The following RPS6KC1 variants were observed in gnomAD, a reference collection of about 807,000 sequenced individuals.
The protein encoded by RPS6KC1 is inactive ribosomal protein S6 kinase delta-1.
In RPS6KC1, 54 loss-of-function variants were observed where a neutral mutation model predicts 103.8. That is an observed-to-expected ratio of 0.52 (90% confidence interval 0.42 to 0.65). The LOEUF is 0.65. Among genes scored for constraint, RPS6KC1 ranks in the 30% least tolerant of loss-of-function variants. The probability of loss-of-function intolerance (pLI) is 0.00; values close to 1 mark genes in which losing one functional copy is unlikely to be tolerated. For synonymous variants in RPS6KC1, 439 were observed against 438.7 expected, an observed-to-expected ratio of 1.00 and a Z score of -0.01; for missense variants, 1,151 against 1,253.8, an observed-to-expected ratio of 0.92 and a Z score of 1.24.
At chr1:213,707,607 A>G in the RPS6KC1 span, among the ~76,000 whole-genome samples, 1 of 152,176 alleles carries the variant, frequency 6.6e-6, no homozygotes, top group Non-Finnish European at 1.5e-5. Flanking sequence ...TTAGTCATGA[A>G]GTCTTTGCCC....
chr1:213,168,805 G>A (rs1407460618), intron 7 of RPS6KC1, among the ~76,000 whole-genome samples: 2 of 151,956 alleles, frequency 1.3e-5, no homozygotes, highest in Admixed American at 6.6e-5. Context: ...TGTATTTTTA[G>A]TAGAGACAGG....
At chr1:213,238,954 G>A (rs771257644) in intron 10 of RPS6KC1, among the ~76,000 whole-genome samples, 9 of 152,162 alleles carry the variant, frequency 5.9e-5, no homozygotes, top group Non-Finnish European at 1.5e-5. Flanking sequence ...TTGTTAGAGT[G>A]CCACAATATA....
chr1:213,165,123 A>G (rs1479008611), intron 6 of RPS6KC1, among the ~76,000 whole-genome samples: 1 of 152,132 alleles, frequency 6.6e-6, no homozygotes, highest in Non-Finnish European at 1.5e-5. Flanking sequence ...CTGAATAAGC[A>G]TTCAGGAGCA....
the RPS6KC1 span, among the ~76,000 whole-genome samples, chr1:213,439,102 G>C: frequency 2.0e-5 from 3 of 152,022 alleles, no homozygotes; most frequent in African/African-American, 7.2e-5. Context: ...CCAGAATCTT[G>C]GTTTCTTAAG....
chr1:213,242,780 C>A, intron 12 of RPS6KC1, 122 bp downstream of exon 12: 1 of 754,614 alleles, frequency 1.3e-6, no homozygotes, highest in Non-Finnish European at 2.1e-6. Flanking sequence ...ATTTGGTTAT[C>A]TGTTTAACCC....
chr1:213,358,037 A>G, the RPS6KC1 span, among the ~76,000 whole-genome samples: 4 of 152,188 alleles, frequency 2.6e-5, no homozygotes, highest in East Asian at 7.7e-4. Context: ...TCGGTTTGCC[A>G]GTATTTTATT....
At chr1:213,847,543 G>A in the RPS6KC1 span, among the ~76,000 whole-genome samples, 1 of 152,180 alleles carries the variant, frequency 6.6e-6, no homozygotes, top group African/African-American at 2.4e-5. Context: ...AAACTGAAAT[G>A]GAGATGATAA....
chr1:213,628,213 G>T, the RPS6KC1 span, among the ~76,000 whole-genome samples: 7 of 152,186 alleles, frequency 4.6e-5, no homozygotes, highest in African/African-American at 7.2e-5. Flanking sequence ...TTGCGTAGAG[G>T]TGTTTATAGT....
chr1:213,303,104 C>T, the RPS6KC1 span, among the ~76,000 whole-genome samples: 5 of 152,128 alleles, frequency 3.3e-5, no homozygotes, highest in South Asian at 2.1e-4. Flanking sequence ...TTGTGAGTGC[C>T]GTGGCAGCGT....
chr1:213,670,900 A>C, the RPS6KC1 span, among the ~76,000 whole-genome samples: 1 of 152,168 alleles, frequency 6.6e-6, no homozygotes, highest in Non-Finnish European at 1.5e-5. Flanking sequence ...AGGTTTCCTC[A>C]ACAGTCTTGT....
chr1:213,153,741 G>A (rs2089537918), intron 6 of RPS6KC1, among the ~76,000 whole-genome samples: 1 of 152,064 alleles, frequency 6.6e-6, no homozygotes, highest in South Asian at 2.1e-4. Context: ...ACTCCCTTTA[G>A]CACTTCTTGT....
chr1:213,765,560 C>G, the RPS6KC1 span, among the ~76,000 whole-genome samples: 1 of 152,220 alleles, frequency 6.6e-6, no homozygotes, highest in Non-Finnish European at 1.5e-5. Flanking sequence ...GACTGCATCT[C>G]TGGCCCCCAG....
chr1:213,195,291 AT>A (rs1409066300), intron 8 of RPS6KC1, among the ~76,000 whole-genome samples: 1 of 152,156 alleles, frequency 6.6e-6, no homozygotes, highest in South Asian at 2.1e-4. Flanking sequence ...ACCAGTGTCA[AT>A]TTTCTGCCTA....
At chr1:213,698,629 G>A in the RPS6KC1 span, among the ~76,000 whole-genome samples, 1 of 151,866 alleles carries the variant, frequency 6.6e-6, no homozygotes, top group Non-Finnish European at 1.5e-5. Flanking sequence ...GATTTCTCTG[G>A]CAACCATTTG....
chr1:213,488,501 G>A, the RPS6KC1 span, among the ~76,000 whole-genome samples: 101 of 152,258 alleles, frequency 6.6e-4, no homozygotes, highest in African/African-American at 2.2e-3. Context: ...CTGTCATAGC[G>A]TCTGTTTCTT....
At chr1:213,815,327 A>C in the RPS6KC1 span, among the ~76,000 whole-genome samples, 1 of 152,198 alleles carries the variant, frequency 6.6e-6, no homozygotes. Context: ...ACAAGCCACT[A>C]CCTGTTGAGC....
the RPS6KC1 span, among the ~76,000 whole-genome samples, chr1:213,312,865 GT>G: frequency 6.6e-6 from 1 of 152,190 alleles, no homozygotes; most frequent in Non-Finnish European, 1.5e-5. Context: ...ACATTTTCAA[GT>G]CGCTGTTTTT....
the RPS6KC1 span, among the ~76,000 whole-genome samples, chr1:213,428,522 TTC>T: frequency 0.078 from 3,536 of 45,296 alleles, 202 homozygotes; most frequent in African/African-American, 0.11. Context: ...TCCTTCCTCT[TTC>T]TCTCTCTCTC....
At chr1:213,592,452 A>T in the RPS6KC1 span, among the ~76,000 whole-genome samples, 1 of 152,232 alleles carries the variant, frequency 6.6e-6, no homozygotes, top group Non-Finnish European at 1.5e-5. Flanking sequence ...GGTTCAGATG[A>T]CACTGGCCTG....
Sources: allele counts gnomAD v4.1 joint callset (sites outside exome capture counted in the v4.1 genomes callset), GRCh38; gene constraint gnomAD v4.1.1; transcripts MANE v1.5; gene names NCBI Gene and HGNC (gene_info 2026-07-23, HGNC 2026-07-21).